C14orf39: variants seen among roughly 807,000 people sequenced by gnomAD.
The protein encoded by C14orf39 is chromosome 14 open reading frame 39.
C14orf39 carries 66 observed loss-of-function variants against 85.6 expected under a neutral mutation model. That is an observed-to-expected ratio of 0.77 (90% confidence interval 0.63 to 0.95). The LOEUF (loss-of-function observed/expected upper bound fraction) is 0.95. C14orf39 is among the 40% of genes least tolerant of loss of function. The probability of loss-of-function intolerance (pLI) is 0.00; values close to 1 mark genes in which losing one functional copy is unlikely to be tolerated. For synonymous variants in C14orf39, 242 were observed against 214.0 expected, an observed-to-expected ratio of 1.13 and a Z score of -1.14; for missense variants, 735 against 663.9, an observed-to-expected ratio of 1.11 and a Z score of -1.18.
rs772947310 is a variant in C14orf39, at chr14:60,442,160, T to C, written c.1504-29A>G. 3.7e-5 allele frequency: 54 copies of C among 1,441,988 alleles called. No individual in the cohort carries two copies. The South Asian group carries it at 5.6e-4, about 15-fold the overall frequency. 89.3% of individuals were successfully genotyped at this position (1,441,988 alleles called of 1,614,324 possible). A position where few individuals can be genotyped will look rare whatever the true frequency, so the allele number is the denominator to read the frequency against. On this transcript the variant is annotated intron_variant, in intron 16 of 17. Coordinates refer to ENST00000321731, the MANE Select transcript of C14orf39 (RefSeq NM_174978.3). ...GAAAATAATTTCCATTAAATATTAC[T>C]TGTGAAATCAGTAGGACAGTATATA...
intron 4 of C14orf39, among the ~76,000 whole-genome samples, chr14:60,481,030 T>G (rs1259283670): frequency 1.3e-5 from 2 of 152,060 alleles, no homozygotes; most frequent in Non-Finnish European, 2.9e-5. Context: ...GGAAAAAAAA[T>G]TAGTGATCTA....
At chr14:60,468,320 T>C in intron 9 of C14orf39, 125 bp downstream of exon 9, 2 of 478,394 alleles carry the variant, frequency 4.2e-6, no homozygotes, top group East Asian at 6.9e-5. Context: ...TAATAGAAAA[T>C]AGCCTGCACA....
At chr14:60,474,752 C>T (rs1009850993) in intron 5 of C14orf39, among the ~76,000 whole-genome samples, 2 of 151,722 alleles carry the variant, frequency 1.3e-5, no homozygotes, top group Non-Finnish European at 2.9e-5. Context: ...GGATGAAGCC[C>T]ACTTGATCAT....
upstream of C14orf39, among the ~76,000 whole-genome samples, chr14:60,489,778 G>C (rs1347091357): frequency 6.6e-6 from 1 of 152,168 alleles, no homozygotes; most frequent in Non-Finnish European, 1.5e-5. Context: ...AAATGAAAGA[G>C]AGAGAATCTT....
At chr14:60,476,472 G>A (rs1035099078) in intron 5 of C14orf39, among the ~76,000 whole-genome samples, 4 of 152,170 alleles carry the variant, frequency 2.6e-5, no homozygotes, top group African/African-American at 4.8e-5. Context: ...CATTATCCAT[G>A]AAACCAACAA....
At chr14:60,480,830 TGCTAA>T (rs571941352) in intron 4 of C14orf39, among the ~76,000 whole-genome samples, 342 of 152,318 alleles carry the variant, frequency 2.2e-3, no homozygotes, top group African/African-American at 7.9e-3. Context: ...AAGGATGTTA[TGCTAA>T]GTGAAATAAG....
chr14:60,470,865 C>T (rs958746236), intron 7 of C14orf39, among the ~76,000 whole-genome samples: 8 of 151,858 alleles, frequency 5.3e-5, no homozygotes. Context: ...TCAAGTTCAT[C>T]ATCAGGGAAG....
Position 60,462,450 on chromosome 14 carries a change from C to A in C14orf39, c.973-857G>T, listed in dbSNP as rs141846868. ...TTATTTTATTAACGTTTCTTTCAAG[C>A]CTTTTGTTCTCCTTGAATCACTCAT... On this transcript the variant is annotated intron_variant, in intron 11 of 17. Transcript: ENST00000321731. Among the ~76,000 whole-genome samples the A allele has an allele frequency of 6.8e-3, 1,038 of 152,176 alleles. 13 individuals are homozygous for A. Among genetic ancestry groups the A allele is most frequent in the African/African-American group, 0.023 (968 of 41,546 alleles).
At chr14:60,507,091 G>A (rs1434031911) in intron 1 of C14orf39, among the ~76,000 whole-genome samples, 1 of 152,164 alleles carries the variant, frequency 6.6e-6, no homozygotes, top group Admixed American at 6.5e-5. Flanking sequence ...TCGGCTCGCG[G>A]GCTGTAAGGT....
intron 11 of C14orf39, among the ~76,000 whole-genome samples, chr14:60,463,013 T>C (rs951051506): frequency 6.6e-6 from 1 of 152,146 alleles, no homozygotes; most frequent in Non-Finnish European, 1.5e-5. Flanking sequence ...GCTAAGTATA[T>C]ACATTTTTAT....
At chr14:60,500,669 GATA>G (rs1893131155) in intron 1 of C14orf39, among the ~76,000 whole-genome samples, 1 of 152,056 alleles carries the variant, frequency 6.6e-6, no homozygotes, top group South Asian at 2.1e-4. Flanking sequence ...AAACAGTATG[GATA>G]ATATAAATAC....
At chr14:60,504,651 C>T (rs1196996053) in intron 1 of C14orf39, among the ~76,000 whole-genome samples, 1 of 152,144 alleles carries the variant, frequency 6.6e-6, no homozygotes, top group African/African-American at 2.4e-5. Flanking sequence ...ATCCTTCAGA[C>T]AAGAACCCAC....
chr14:60,512,645 C>T (rs1174466961), intron 1 of C14orf39: 1 of 152,166 alleles, frequency 6.6e-6, no homozygotes, highest in Non-Finnish European at 1.5e-5. Flanking sequence ...CTGGTAATGG[C>T]CTCGATTAAA....
chr14:60,443,926 C>A (rs1486144391), intron 16 of C14orf39, among the ~76,000 whole-genome samples: 1 of 152,180 alleles, frequency 6.6e-6, no homozygotes, highest in Non-Finnish European at 1.5e-5. Flanking sequence ...GGATCTCCAG[C>A]AAACTACAAC....
chr14:60,478,178 CAAA>C (rs71435508), intron 5 of C14orf39, 119 bp downstream of exon 5: 7 of 90,058 alleles, frequency 7.8e-5, no homozygotes, highest in East Asian at 5.2e-4. Flanking sequence ...GACTCCATCT[CAAA>C]AAAAAAAAAA....
At chr14:60,510,998 G>A in intron 1 of C14orf39, 1 of 1,403,488 alleles carries the variant, frequency 7.1e-7, no homozygotes, top group South Asian at 1.2e-5. Context: ...CTAGCCGCCG[G>A]GCTGGAGGGA....
In C14orf39 at chr14:60,461,587, T is replaced by C. The variant is rs754199602; in HGVS notation, c.979A>G (p.Asn327Asp). The part of the protein sequence containing the change: ...RQKENDTQIF[N>D]DSAVDNHSKC... ...GAATGGTTATCCACAGCAGAGTCAT[T>C]AAATATCTGAAAGAAAGAAATTAAG... The change falls in exon 12 of 18, where the codon AAT becomes GAT. Residue 327 changes from asparagine (N) to aspartate (D), a missense_variant. Coordinates refer to ENST00000321731, the MANE Select transcript of C14orf39 (RefSeq NM_174978.3). 1.3e-6 allele frequency: 2 copies of C among 1,544,874 alleles called. No individual in the cohort carries two copies. The highest frequency in any genetic ancestry group is 1.7e-6 in the Non-Finnish European group (2 of 1,150,884).
intron 2 of C14orf39, chr14:60,493,943 A>G (rs537288038): frequency 2.3e-4 from 36 of 157,080 alleles, no homozygotes; most frequent in Middle Eastern, 3.3e-3. Flanking sequence ...TGGTTTTTCC[A>G]GATTAGCACT....
chr14:60,437,748 AAGTTAAACTTATTCAACTATTATTTATTG>A (rs1273141508), intron 17 of C14orf39, among the ~76,000 whole-genome samples: 5 of 152,060 alleles, frequency 3.3e-5, no homozygotes, highest in African/African-American at 1.2e-4. Context: ...GATACTGTAT[AAGTTAAACTTATTCAACTATTATTTATTG>A]AGTCACTACA....
Sources: gnomAD v4.1 joint callset for allele counts (sites outside exome capture counted in the v4.1 genomes callset) on GRCh38, gnomAD v4.1.1 for gene constraint, MANE v1.5 for transcripts, NCBI Gene and HGNC (gene_info 2026-07-23, HGNC 2026-07-21) for gene names.